Variants in ARMH4 observed in about 807,000 individuals in gnomAD.
ARMH4 encodes the protein armadillo like helical domain containing 4.
ARMH4 carries 49 observed loss-of-function variants against 61.9 expected under a neutral mutation model. The ratio of observed to expected loss-of-function variants is 0.79; its 90% CI spans 0.63 to 1.00. The LOEUF is 1.00. Ranked by LOEUF, ARMH4 falls within the 50% of genes least tolerant of loss-of-function variation. ARMH4 has a pLI of 0.00. For missense variants in ARMH4, 934 were observed against 930.0 expected, an observed-to-expected ratio of 1.00 and a Z score of -0.06; for synonymous variants, 368 against 341.5, an observed-to-expected ratio of 1.08 and a Z score of -0.85.
chr14:58,004,833 ACT>A, intron 7 of ARMH4, 29 bp from the exon 8 acceptor site: 1 of 1,594,846 alleles, frequency 6.3e-7, no homozygotes, highest in Non-Finnish European at 8.6e-7. Flanking sequence ...AAAGCATTAA[ACT>A]CTTTCTGCCA....
At chr14:58,099,340 A>C (rs1199461933) in intron 4 of ARMH4, among the ~76,000 whole-genome samples, 1 of 152,002 alleles carries the variant, frequency 6.6e-6, no homozygotes, top group African/African-American at 2.4e-5. Context: ...GGTGACCAGC[A>C]GAGGAAGATC....
intron 5 of ARMH4, among the ~76,000 whole-genome samples, chr14:58,036,722 T>G (rs1292309499): frequency 2.5e-5 from 3 of 119,938 alleles, no homozygotes; most frequent in Admixed American, 1.6e-4. Context: ...ACAAAATCAA[T>G]GTACAAAAAT....
At position 58,140,828 on chromosome 14, in the gene ARMH4, G is replaced by A. The variant is rs568063887; in HGVS notation, c.-56-1414C>T. 1.4e-3 allele frequency among the ~76,000 whole-genome samples: 210 copies of A among 152,132 alleles called. 1 individual carries two copies. Among genetic ancestry groups the A allele is most frequent in the African/African-American group, 4.8e-3 (199 of 41,502 alleles). On this transcript the variant is annotated intron_variant, in intron 1 of 7. Coordinates refer to ENST00000267485, the MANE Select transcript of ARMH4 (RefSeq NM_001001872.4). ...TGAGGAAGGAGAATCGCTTGAACCC[G>A]GGAGGCGGAGGTTGCAATGAGCCAA...
chr14:58,122,356 AAC>A (rs1298655250), intron 4 of ARMH4, among the ~76,000 whole-genome samples: 5 of 152,312 alleles, frequency 3.3e-5, no homozygotes, highest in African/African-American at 1.2e-4. Context: ...TGTCCACTAT[AAC>A]ACAGGGAAAG....
chr14:58,126,843 C>CCCAGGCTGTCTGTTG (rs1261173565), intron 4 of ARMH4, among the ~76,000 whole-genome samples: 3 of 146,716 alleles, frequency 2.0e-5, no homozygotes, highest in Non-Finnish European at 4.5e-5. Flanking sequence ...TGCTCTGTTG[C>CCCAGGCTGTCTGTTG]CCAGGCTGGA....
intron 5 of ARMH4, among the ~76,000 whole-genome samples, chr14:58,051,752 T>C (rs1235102806): frequency 2.6e-5 from 4 of 152,150 alleles, no homozygotes; most frequent in Non-Finnish European, 5.9e-5. Context: ...ATGAACTCTC[T>C]CCTTGACTTC....
At position 58,054,424 on chromosome 14, in the gene ARMH4, T is replaced by C. The variant is rs145590296; in HGVS notation, c.2090-42274A>G. Reference sequence around the variant, plus strand: ...AGTGAAGATTTAGCTGCCTGCAAGATTATATCTATACGGTTTCTTAACTAC... The same window carrying C: ...AGTGAAGATTTAGCTGCCTGCAAGACTATATCTATACGGTTTCTTAACTAC... On this transcript the variant is annotated intron_variant, in intron 5 of 7. Transcript: ENST00000267485. Among the ~76,000 whole-genome samples the C allele has an allele frequency of 5.4e-3, 824 of 152,316 alleles. 10 individuals are homozygous for C. Among genetic ancestry groups the C allele is most frequent in the African/African-American group, 0.018 (767 of 41,566 alleles).
intron 5 of ARMH4, among the ~76,000 whole-genome samples, chr14:58,017,642 A>T (rs915525693): frequency 6.6e-6 from 1 of 152,214 alleles, no homozygotes; most frequent in African/African-American, 2.4e-5. Flanking sequence ...AGACACAAAT[A>T]AATGGAAAGA....
chr14:58,142,399 A>G (rs965110514), intron 1 of ARMH4, among the ~76,000 whole-genome samples: 2 of 152,184 alleles, frequency 1.3e-5, no homozygotes, highest in African/African-American at 4.8e-5. Context: ...CATGATCTAC[A>G]TGGCTGAAGA....
intron 5 of ARMH4, among the ~76,000 whole-genome samples, chr14:58,074,406 CA>C (rs1287788916): frequency 1.5e-4 from 23 of 151,622 alleles, no homozygotes; most frequent in African/African-American, 5.3e-4. Flanking sequence ...GAATTATATT[CA>C]TTAAACTGAA....
intron 4 of ARMH4, among the ~76,000 whole-genome samples, chr14:58,097,546 C>T (rs572184478): frequency 3.3e-4 from 51 of 152,276 alleles, no homozygotes; most frequent in Admixed American, 6.5e-4. Flanking sequence ...GAAATAATTG[C>T]ATCAACATTC....
At chr14:58,030,687 T>G (rs532617802) in intron 5 of ARMH4, among the ~76,000 whole-genome samples, 4 of 152,358 alleles carry the variant, frequency 2.6e-5, no homozygotes, top group South Asian at 2.1e-4. Flanking sequence ...CTACCTGAGA[T>G]GCCTCACATA....
At chr14:58,123,324 C>T (rs1280975797) in intron 4 of ARMH4, among the ~76,000 whole-genome samples, 2 of 152,076 alleles carry the variant, frequency 1.3e-5, no homozygotes, top group Admixed American at 6.6e-5. Context: ...AAAGAATGCT[C>T]GTCCTGTTCA....
chr14:58,024,842 C>A (rs1400553900), intron 5 of ARMH4, among the ~76,000 whole-genome samples: 1 of 152,082 alleles, frequency 6.6e-6, no homozygotes, highest in Non-Finnish European at 1.5e-5. Context: ...AGGGAATGGG[C>A]AGTCAGTAGA....
rs138090999 is a variant in ARMH4 at position 58,092,303 on chromosome 14, G to A, written c.2089+4421C>T. On this transcript the variant is annotated intron_variant, in intron 5 of 7. Coordinates refer to ENST00000267485, the MANE Select transcript of ARMH4 (RefSeq NM_001001872.4). ...ATATTAAATAGGATTACTTTTCAAA[G>A]GATCTCAGTGTTTGCATTTTTATTG... Among the ~76,000 whole-genome samples, 795 of 152,286 alleles carry A rather than the reference G, an allele frequency of 5.2e-3. 3 individuals carry two copies. The highest frequency in any genetic ancestry group is 9.1e-3 in the Non-Finnish European group (617 of 68,020).
intron 5 of ARMH4, among the ~76,000 whole-genome samples, chr14:58,066,818 C>A (rs1186353671): frequency 1.3e-5 from 2 of 152,050 alleles, no homozygotes; most frequent in Non-Finnish European, 2.9e-5. Flanking sequence ...ATACACTAAC[C>A]GCAAGACTTA....
intron 5 of ARMH4, among the ~76,000 whole-genome samples, chr14:58,071,133 A>AAT (rs111946879): frequency 6.0e-4 from 90 of 149,716 alleles, no homozygotes; most frequent in African/African-American, 2.0e-3. Context: ...AGTCAAGTAA[A>AAT]ATATATATAT....
chr14:58,107,566 C>T (rs549793968), intron 4 of ARMH4, among the ~76,000 whole-genome samples: 4 of 151,962 alleles, frequency 2.6e-5, no homozygotes, highest in Non-Finnish European at 5.9e-5. Flanking sequence ...GAGATCGAGA[C>T]CATCCTGGCT....
At chr14:58,045,584 A>T (rs557171078) in intron 5 of ARMH4, among the ~76,000 whole-genome samples, 1 of 152,118 alleles carries the variant, frequency 6.6e-6, no homozygotes, top group South Asian at 2.1e-4. Context: ...CACGTTCTGC[A>T]CATGTACCCT....
Sources: gnomAD v4.1 joint callset for allele counts (sites outside exome capture counted in the v4.1 genomes callset) on GRCh38, gnomAD v4.1.1 for gene constraint, MANE v1.5 for transcripts, NCBI Gene and HGNC (gene_info 2026-07-23, HGNC 2026-07-21) for gene names.